The following CALN1 variants were observed in gnomAD, a reference collection of about 807,000 sequenced individuals.
The protein encoded by CALN1 is calneuron 1.
CALN1 carries 17 observed loss-of-function variants against 30.6 expected under a neutral mutation model. The observed-to-expected ratio is 0.56, with a 90% CI of 0.38 to 0.83. The LOEUF (loss-of-function observed/expected upper bound fraction) is 0.83. Ranked by LOEUF, CALN1 falls within the 40% of genes least tolerant of loss-of-function variation. The pLI, the probability that CALN1 is intolerant of heterozygous loss-of-function variation, is 0.00. For synonymous variants in CALN1, 156 were observed against 131.4 expected (o/e 1.19, Z -1.28); for missense variants, 291 against 354.9 (o/e 0.82, Z 1.45).
chr7:72,239,387 C>T (rs138142506), intron 3 of CALN1, among the ~76,000 whole-genome samples: 113 of 152,080 alleles, frequency 7.4e-4, no homozygotes, highest in African/African-American at 2.6e-3. Context: ...CAGAACAAGA[C>T]CTTGTCCCTA....
intron 5 of CALN1, among the ~76,000 whole-genome samples, chr7:71,840,635 G>A (rs1403620699): frequency 6.6e-6 from 1 of 152,070 alleles, no homozygotes; most frequent in Non-Finnish European, 1.5e-5. Context: ...CTGTATGGCT[G>A]GGCTCTCTTA....
At chr7:71,810,199 C>T in intron 6 of CALN1, 137 bp downstream of exon 6, 1 of 844,052 alleles carries the variant, frequency 1.2e-6, no homozygotes, top group Non-Finnish European at 1.8e-6. Flanking sequence ...AGATCTTTAA[C>T]CTCAGTCCTG....
At chr7:72,500,864 T>C in the CALN1 span, among the ~76,000 whole-genome samples, 1 of 152,104 alleles carries the variant, frequency 6.6e-6, no homozygotes, top group Non-Finnish European at 1.5e-5. Flanking sequence ...AAATTGATTT[T>C]TTGCAAAATA....
intron 6 of CALN1, among the ~76,000 whole-genome samples, chr7:71,791,959 C>T (rs905067102): frequency 6.6e-5 from 10 of 151,848 alleles, no homozygotes; most frequent in South Asian, 2.1e-4. Context: ...TGCAGTGAGC[C>T]GAGATCGCGC....
chr7:72,014,767 T>A (rs1421216039), intron 5 of CALN1, among the ~76,000 whole-genome samples: 1 of 152,114 alleles, frequency 6.6e-6, no homozygotes, highest in Non-Finnish European at 1.5e-5. Flanking sequence ...GCTAAATTGA[T>A]CCTCCCACCT....
intron 4 of CALN1, among the ~76,000 whole-genome samples, chr7:72,027,847 G>A (rs540594312): frequency 6.6e-6 from 1 of 151,216 alleles, no homozygotes; most frequent in Non-Finnish European, 1.5e-5. Flanking sequence ...CACGAGGTCA[G>A]GAGATCGAGA....
At chr7:71,821,654 C>A (rs1297417504) in intron 5 of CALN1, among the ~76,000 whole-genome samples, 1 of 152,132 alleles carries the variant, frequency 6.6e-6, no homozygotes, top group Non-Finnish European at 1.5e-5. Flanking sequence ...CACAGCTAAA[C>A]CATACCAATC....
At chr7:72,399,488 C>A (rs185748385) in intron 2 of CALN1, among the ~76,000 whole-genome samples, 4 of 152,060 alleles carry the variant, frequency 2.6e-5, no homozygotes, top group African/African-American at 9.6e-5. Context: ...CCAAGATGGT[C>A]TCGATCTCTT....
intron 5 of CALN1, among the ~76,000 whole-genome samples, chr7:71,819,333 T>C (rs1438164549): frequency 2.6e-5 from 4 of 151,856 alleles, no homozygotes; most frequent in African/African-American, 9.7e-5. Flanking sequence ...CTCAGCCTCC[T>C]GAGTAGCTGA....
At chr7:71,881,002 G>A (rs1165621714) in intron 5 of CALN1, among the ~76,000 whole-genome samples, 2 of 152,164 alleles carry the variant, frequency 1.3e-5, no homozygotes, top group Non-Finnish European at 2.9e-5. Context: ...CAATCTGGGT[G>A]GGCACCATCT....
rs146398550 is a variant in CALN1 at position 71,895,172 on chromosome 7, C to T, written c.502-84680G>A. 6.2e-3 allele frequency among the ~76,000 whole-genome samples: 941 copies of T among 152,244 alleles called. 5 individuals carry two copies. The highest frequency in any genetic ancestry group is 8.5e-3 in the Non-Finnish European group (580 of 68,026). On this transcript the variant is annotated intron_variant, in intron 5 of 6. Coordinates refer to ENST00000395275, the MANE Select transcript of CALN1 (RefSeq NM_031468.4). Reference sequence around the variant, plus strand: ...GTTTTCCTATGTTGCCCAGGCTGGTCTCAAACTCCTGGGCCCAAGCAATCC... The same window carrying T: ...GTTTTCCTATGTTGCCCAGGCTGGTTTCAAACTCCTGGGCCCAAGCAATCC...
chr7:72,048,842 G>A (rs891652719), intron 4 of CALN1, among the ~76,000 whole-genome samples: 1 of 149,784 alleles, frequency 6.7e-6, no homozygotes, highest in Non-Finnish European at 1.5e-5. Flanking sequence ...TCACTGTGTT[G>A]CCCAGGCTGG....
intron 5 of CALN1, among the ~76,000 whole-genome samples, chr7:71,839,001 G>T (rs574394469): frequency 2.2e-4 from 34 of 152,002 alleles, no homozygotes; most frequent in Non-Finnish European, 3.5e-4. Context: ...TTAGAGAGAG[G>T]GTCTCACCAT....
the CALN1 span, among the ~76,000 whole-genome samples, chr7:72,491,278 T>C: frequency 6.7e-6 from 1 of 149,136 alleles, no homozygotes; most frequent in African/African-American, 2.5e-5. Context: ...TGCTCAAAAA[T>C]TGGTGGTTGC....
chr7:71,829,230 T>C (rs1286010977), intron 5 of CALN1, among the ~76,000 whole-genome samples: 1 of 152,056 alleles, frequency 6.6e-6, no homozygotes, highest in Non-Finnish European at 1.5e-5. Context: ...CTAAATGTAA[T>C]CATGTAAGAC....
chr7:72,318,397 G>C (rs1018404395), intron 2 of CALN1, among the ~76,000 whole-genome samples: 3 of 152,142 alleles, frequency 2.0e-5, no homozygotes, highest in Admixed American at 2.0e-4. Flanking sequence ...CACAGAGCAA[G>C]GGACAGAAGA....
At chr7:71,952,047 G>C (rs1472362831) in intron 5 of CALN1, among the ~76,000 whole-genome samples, 1 of 152,110 alleles carries the variant, frequency 6.6e-6, no homozygotes, top group African/African-American at 2.4e-5. Flanking sequence ...GACCACCCCA[G>C]GATGTGAGTG....
At chr7:72,444,103 A>C (rs554858316) in intron 1 of CALN1, among the ~76,000 whole-genome samples, 1 of 151,816 alleles carries the variant, frequency 6.6e-6, no homozygotes, top group East Asian at 2.0e-4. Flanking sequence ...TTTTTAATGG[A>C]TTGATATATT....
At chr7:72,132,539 A>T (rs1809225710) in intron 3 of CALN1, among the ~76,000 whole-genome samples, 1 of 152,148 alleles carries the variant, frequency 6.6e-6, no homozygotes, top group South Asian at 2.1e-4. Flanking sequence ...TAGGTTGCTT[A>T]AAAAAATTAT....
Sources: allele counts gnomAD v4.1 joint callset (sites outside exome capture counted in the v4.1 genomes callset), GRCh38; gene constraint gnomAD v4.1.1; transcripts MANE v1.5; gene names NCBI Gene and HGNC (gene_info 2026-07-23, HGNC 2026-07-21).